RUNDC3B: variants seen among roughly 807,000 people sequenced by gnomAD.
The protein encoded by RUNDC3B is RUN domain-containing protein 3B.
A neutral mutation model predicts 58.4 loss-of-function variants in RUNDC3B; 33 were observed. The ratio of observed to expected loss-of-function variants is 0.56; its 90% CI spans 0.43 to 0.75. The LOEUF (loss-of-function observed/expected upper bound fraction) is 0.75, where lower values mean the gene tolerates loss of function less well. Among genes scored for constraint, RUNDC3B ranks in the 30% least tolerant of loss-of-function variants. The probability of loss-of-function intolerance (pLI) is 0.00; values close to 1 mark genes in which losing one functional copy is unlikely to be tolerated. For missense variants in RUNDC3B, 501 were observed against 535.7 expected (o/e 0.94, Z 0.64); for synonymous variants, 193 against 195.2 (o/e 0.99, Z 0.10).
At chr7:87,711,955 G>C (rs181255716) in intron 4 of RUNDC3B, among the ~76,000 whole-genome samples, 29 of 152,220 alleles carry the variant, frequency 1.9e-4, no homozygotes, top group African/African-American at 6.5e-4. Context: ...TCATATCTCT[G>C]AGATCTTAAC....
intron 2 of RUNDC3B, among the ~76,000 whole-genome samples, chr7:87,652,621 G>GAT (rs373344881): frequency 0.078 from 9,786 of 125,146 alleles, 593 homozygotes; most frequent in African/African-American, 0.16. Flanking sequence ...TGTGGTCACT[G>GAT]ATATATATAT....
intron 1 of RUNDC3B, among the ~76,000 whole-genome samples, chr7:87,634,886 T>C (rs1821607918): frequency 6.6e-6 from 1 of 152,186 alleles, no homozygotes; most frequent in Admixed American, 6.5e-5. Context: ...CATGCTCTAA[T>C]TAGTAGATGC....
At chr7:87,791,201 G>GA (rs1042720861) in intron 8 of RUNDC3B, among the ~76,000 whole-genome samples, 6 of 151,684 alleles carry the variant, frequency 4.0e-5, no homozygotes, top group Admixed American at 2.0e-4. Flanking sequence ...AGTACTGAAA[G>GA]AAAAAAAATT....
chr7:87,663,130 T>C (rs1824880062), intron 2 of RUNDC3B, among the ~76,000 whole-genome samples: 1 of 152,126 alleles, frequency 6.6e-6, no homozygotes, highest in South Asian at 2.1e-4. Flanking sequence ...TCAGTTCTAA[T>C]GGCTTTTTGG....
chr7:87,799,817 C>T lies in RUNDC3B; in HGVS notation c.957-7556C>T, dbSNP rs528956717. ...CAAGAGATCACTTGAACCTGGAAGGCGGAGGTTGCAGTGAGCCAAGATCGT... is the reference window on the plus strand; with the variant it reads ...CAAGAGATCACTTGAACCTGGAAGGTGGAGGTTGCAGTGAGCCAAGATCGT... On this transcript the variant is annotated intron_variant, in intron 8 of 10. Transcript: ENST00000394654. Among the ~76,000 whole-genome samples, 435 of 143,104 alleles carry T rather than the reference C, an allele frequency of 3.0e-3. 3 individuals carry two copies. The highest frequency in any genetic ancestry group is 0.01 in the African/African-American group (404 of 38,492). The allele number at this position is 143,104 out of a possible 152,430, so 93.9% of individuals were successfully genotyped here. A position where few individuals can be genotyped will look rare whatever the true frequency, so the allele number is the denominator to read the frequency against.
intron 6 of RUNDC3B, among the ~76,000 whole-genome samples, chr7:87,763,831 A>G (rs1469726187): frequency 6.6e-6 from 1 of 151,804 alleles, no homozygotes; most frequent in African/African-American, 2.4e-5. Context: ...CCTGACTAAG[A>G]ACATCTTGTT....
chr7:87,770,748 A>C lies in RUNDC3B; in HGVS notation c.797A>C (p.Lys266Thr), dbSNP rs1036223983. ...KQKYQLTLEQ[K>T]GYLEELLRLR... is the part of the protein sequence containing the mutation. ...AAGTATCAGCTTACCCTGGAACAGAAGGTATTTTAAAATTATCAAAACGTA... is the reference window on the plus strand; with the variant it reads ...AAGTATCAGCTTACCCTGGAACAGACGGTATTTTAAAATTATCAAAACGTA... The change falls in exon 7 of 11, where the codon AAG becomes ACG. Residue 266 changes from lysine (K) to threonine (T), a missense_variant and splice_region_variant. Physicochemically the swap from Lys to Thr is moderately conservative, Grantham distance 78. Coordinates refer to ENST00000394654, the MANE Select transcript of RUNDC3B (RefSeq NM_001134405.2). 6.3e-7 allele frequency: 1 copy of C among 1,599,766 alleles called. No individual in the cohort carries two copies. Among genetic ancestry groups the C allele is most frequent in the Non-Finnish European group, 8.5e-7 (1 of 1,171,862 alleles).
chr7:87,805,444 A>G (rs1343613275), intron 8 of RUNDC3B, among the ~76,000 whole-genome samples: 1 of 152,312 alleles, frequency 6.6e-6, no homozygotes, highest in East Asian at 1.9e-4. Context: ...CACCTATTCC[A>G]TTAGCTGAGA....
intron 6 of RUNDC3B, among the ~76,000 whole-genome samples, chr7:87,750,589 T>C (rs2130830416): frequency 6.6e-6 from 1 of 152,306 alleles, no homozygotes; most frequent in East Asian, 1.9e-4. Context: ...TGTCAGATGG[T>C]ATCTCATTGT....
chr7:87,812,329 CT>C (rs1836765763), intron 9 of RUNDC3B, among the ~76,000 whole-genome samples: 1 of 152,158 alleles, frequency 6.6e-6, no homozygotes, highest in African/African-American at 2.4e-5. Flanking sequence ...TTAACAATGG[CT>C]GGGCACAGTG....
intron 9 of RUNDC3B, among the ~76,000 whole-genome samples, chr7:87,813,612 A>G (rs527436443): frequency 6.6e-6 from 1 of 152,210 alleles, no homozygotes; most frequent in Non-Finnish European, 1.5e-5. Flanking sequence ...CACAAAAAAA[A>G]TAATTTGGAA....
intron 3 of RUNDC3B, among the ~76,000 whole-genome samples, chr7:87,707,957 A>G (rs1046990205): frequency 2.0e-5 from 3 of 152,094 alleles, no homozygotes; most frequent in Admixed American, 2.0e-4. Context: ...CACAATTGAA[A>G]TTGAAAAATA....
chr7:87,751,910 T>C (rs1041471850), intron 6 of RUNDC3B, among the ~76,000 whole-genome samples: 2 of 152,158 alleles, frequency 1.3e-5, no homozygotes, highest in African/African-American at 4.8e-5. Context: ...TCCAAAACTA[T>C]GTTGAATAGG....
At chr7:87,630,154 TG>T (rs1554446409) in intron 1 of RUNDC3B, among the ~76,000 whole-genome samples, 58 of 152,312 alleles carry the variant, frequency 3.8e-4, no homozygotes, top group Non-Finnish European at 4.4e-5. Flanking sequence ...CAGATGATGA[TG>T]AAACTTTTTC....
At chr7:87,819,546 A>C (rs1171983814) in intron 10 of RUNDC3B, among the ~76,000 whole-genome samples, 3 of 152,168 alleles carry the variant, frequency 2.0e-5, no homozygotes, top group Admixed American at 6.5e-5. Context: ...CCTAATAGAC[A>C]TCTACAGAAC....
At position 87,751,554 on chromosome 7, in the gene RUNDC3B, C is replaced by G. The variant is rs567843508; in HGVS notation, c.629+9975C>G. On this transcript the variant is annotated intron_variant, in intron 6 of 10. Coordinates refer to ENST00000394654, the MANE Select transcript of RUNDC3B (RefSeq NM_001134405.2). ...ATTTGCTTGTATCCTCTTTTATTTCCTTGAGCAGTGGTTTGTAGTTCTCCT... is the reference window on the plus strand; with the variant it reads ...ATTTGCTTGTATCCTCTTTTATTTCGTTGAGCAGTGGTTTGTAGTTCTCCT... Among the ~76,000 whole-genome samples, 569 of 152,104 alleles carry G rather than the reference C, an allele frequency of 3.7e-3. 1 individual carries two copies. Among genetic ancestry groups the G allele is most frequent in the Non-Finnish European group, 5.6e-3 (382 of 68,002 alleles).
intron 8 of RUNDC3B, among the ~76,000 whole-genome samples, chr7:87,801,983 TC>T (rs1470952869): frequency 6.6e-6 from 1 of 152,208 alleles, no homozygotes; most frequent in Non-Finnish European, 1.5e-5. Flanking sequence ...AATAATTTCC[TC>T]CTGAAACGAT....
chr7:87,728,932 C>G (rs532160307), intron 4 of RUNDC3B, among the ~76,000 whole-genome samples: 35 of 152,224 alleles, frequency 2.3e-4, no homozygotes, highest in Non-Finnish European at 3.7e-4. Flanking sequence ...ATAAACTTGC[C>G]TTCTTTCCTT....
chr7:87,734,920 A>G (rs895963742), intron 4 of RUNDC3B, among the ~76,000 whole-genome samples: 4 of 151,830 alleles, frequency 2.6e-5, no homozygotes, highest in Non-Finnish European at 4.4e-5. Flanking sequence ...CATCTTTTCC[A>G]CTTAACATCT....
Sources: gnomAD v4.1 joint callset for allele counts (sites outside exome capture counted in the v4.1 genomes callset) on GRCh38, gnomAD v4.1.1 for gene constraint, MANE v1.5 for transcripts, NCBI Gene and HGNC (gene_info 2026-07-23, HGNC 2026-07-21) for gene names.